ANKS4B: variants seen among roughly 807,000 people sequenced by gnomAD.
ANKS4B encodes the protein ankyrin repeat and SAM domain-containing protein 4B.
A neutral mutation model predicts 20.2 loss-of-function variants in ANKS4B; 21 were observed. The ratio of observed to expected loss-of-function variants is 1.04; its 90% CI spans 0.74 to 1.50. The LOEUF is 1.50. Ranked by LOEUF, ANKS4B falls within the 40% of genes most tolerant of loss-of-function variation. The pLI is 0.00. For missense variants in ANKS4B, 473 were observed against 494.6 expected (o/e 0.96, Z 0.41); for synonymous variants, 179 against 194.5 (o/e 0.92, Z 0.66).
At chr16:21,238,647 C>T (rs1158594475) in intron 1 of ANKS4B, among the ~76,000 whole-genome samples, 2 of 152,126 alleles carry the variant, frequency 1.3e-5, no homozygotes, top group Non-Finnish European at 2.9e-5. Context: ...ACTCTGCATT[C>T]TCCAAGTGGC....
intron 1 of ANKS4B, among the ~76,000 whole-genome samples, chr16:21,234,821 A>C (rs1219262762): frequency 6.6e-6 from 1 of 152,088 alleles, no homozygotes; most frequent in Non-Finnish European, 1.5e-5. Flanking sequence ...AGGGGAAGAC[A>C]AGACATCTAT....
chr16:21,233,875 A>G lies in ANKS4B; in HGVS notation c.138A>G (p.Glu46=). 1 of 1,613,554 alleles carries G rather than the reference A, an allele frequency of 6.2e-7. No homozygotes were observed. Among genetic ancestry groups the G allele is most frequent in the Non-Finnish European group, 8.5e-7 (1 of 1,179,746 alleles). Residue 46 remains glutamate (E), a synonymous_variant, in exon 1 of 2, where the codon GAA becomes GAG. Transcript: ENST00000311620. ...TLLAAYHGNL[E]ALEIICSRGG... ...TGGCAGCCTACCATGGGAACTTGGA[A>G]GCCCTAGAGATAATCTGCAGTAGAG...
At chr16:21,241,135 C>T (rs1035505669) in intron 1 of ANKS4B, among the ~76,000 whole-genome samples, 1 of 152,176 alleles carries the variant, frequency 6.6e-6, no homozygotes, top group Non-Finnish European at 1.5e-5. Context: ...TGCAGGTTTG[C>T]TGCATGGGTA....
In ANKS4B at chr16:21,252,949, A is replaced by G. The variant is rs965332233; in HGVS notation, c.*2129A>G. On this transcript the variant is annotated 3_prime_UTR_variant, in exon 2 of 2. Transcript: ENST00000311620. ...TGAGGCAAGAGAATTGCTTGAACCC[A>G]AAAGGTGGAGGTTGCAGTGAGTTGA... 18 of 151,510 alleles carry G rather than the reference A, an allele frequency of 1.2e-4. No homozygotes were observed. The highest frequency in any genetic ancestry group is 2.2e-4 in the Non-Finnish European group (15 of 67,970). 9.4% of individuals were successfully genotyped at this position (151,510 alleles called of 1,614,324 possible).
In ANKS4B at chr16:21,251,566, T is replaced by C. The variant is rs1470623785; in HGVS notation, c.*746T>C. The C allele has an allele frequency of 2.6e-5, 4 of 152,274 alleles. No homozygotes were observed. The highest frequency in any genetic ancestry group is 9.6e-5 in the African/African-American group (4 of 41,470). 9.4% of individuals were successfully genotyped at this position (152,274 alleles called of 1,614,324 possible). On this transcript the variant is annotated 3_prime_UTR_variant, in exon 2 of 2. Coordinates refer to ENST00000311620, the MANE Select transcript of ANKS4B (RefSeq NM_145865.3). ...GTGTAACCTGGGAATTCCAATTCTTTTTCTCTCCTGAGATCTATGACTTTG... is the reference window on the plus strand; with the variant it reads ...GTGTAACCTGGGAATTCCAATTCTTCTTCTCTCCTGAGATCTATGACTTTG...
chr16:21,236,767 C>T (rs1334760325), intron 1 of ANKS4B, among the ~76,000 whole-genome samples: 1 of 152,026 alleles, frequency 6.6e-6, no homozygotes, highest in Non-Finnish European at 1.5e-5. Context: ...GAAAATTAAA[C>T]CATACAGACG....
intron 1 of ANKS4B, among the ~76,000 whole-genome samples, chr16:21,235,773 G>A (rs2093319619): frequency 6.6e-6 from 1 of 152,180 alleles, no homozygotes; most frequent in Admixed American, 6.5e-5. Flanking sequence ...AGGATTGGGA[G>A]AGTTCCTGAG....
In ANKS4B at chr16:21,250,155, C is replaced by T. The variant is rs749766643; in HGVS notation, c.589C>T (p.Leu197=). The T allele has an allele frequency of 1.2e-6, 2 of 1,614,114 alleles. No homozygotes were observed. Among genetic ancestry groups the T allele is most frequent in the South Asian group, 1.1e-5 (1 of 91,076 alleles). Residue 197 remains leucine (L), a synonymous_variant, in exon 2 of 2, where the codon CTA becomes TTA. Transcript: ENST00000311620. ...NASAPGTFGS[L]SKGIKDTFKI... ...TTCTGCTCCTGGCACATTCGGGTCA[C>T]TATCTAAGGGCATTAAAGACACTTT...
In ANKS4B at chr16:21,253,370, C is replaced by T. The variant is rs916225525; in HGVS notation, c.*2550C>T. On this transcript the variant is annotated 3_prime_UTR_variant, in exon 2 of 2. Transcript: ENST00000311620. Reference sequence around the variant, plus strand: ...AAGCTTGTTAGCCATTGAATAAACACGTTGCATTAGGGGATGATTGTTTAC... The same window carrying T: ...AAGCTTGTTAGCCATTGAATAAACATGTTGCATTAGGGGATGATTGTTTAC... The T allele has an allele frequency of 2.0e-5, 3 of 152,288 alleles. No homozygotes were observed. The highest frequency in any genetic ancestry group is 7.2e-5 in the African/African-American group (3 of 41,554). The allele number at this position is 152,288 out of a possible 1,614,324, so 9.4% of individuals were successfully genotyped here. A position where few individuals can be genotyped will look rare whatever the true frequency, so the allele number is the denominator to read the frequency against.
At chr16:21,242,422 G>A (rs576449789) in intron 1 of ANKS4B, among the ~76,000 whole-genome samples, 11 of 152,138 alleles carry the variant, frequency 7.2e-5, no homozygotes, top group Non-Finnish European at 8.8e-5. Flanking sequence ...TCTTGACCTC[G>A]TGATCTGCCC....
rs151182255 is a variant in ANKS4B, at chr16:21,250,862, C to T, written c.*42C>T. 1.7e-4 allele frequency: 267 copies of T among 1,540,378 alleles called. No individual in the cohort carries two copies. Among genetic ancestry groups the T allele is most frequent in the African/African-American group, 1.1e-3 (84 of 73,056 alleles). ...GGAGCATTGGGGTGATGCTGTGGCCCGCTGGCAGCACTCCAGGCGGCACCC... is the reference window on the plus strand; with the variant it reads ...GGAGCATTGGGGTGATGCTGTGGCCTGCTGGCAGCACTCCAGGCGGCACCC... On this transcript the variant is annotated 3_prime_UTR_variant, in exon 2 of 2. Transcript: ENST00000311620.
At chr16:21,244,778 T>C (rs1175051977) in intron 1 of ANKS4B, among the ~76,000 whole-genome samples, 1 of 152,186 alleles carries the variant, frequency 6.6e-6, no homozygotes, top group Non-Finnish European at 1.5e-5. Flanking sequence ...TTGAAGGGTC[T>C]CCTTTCATCC....
intron 1 of ANKS4B, among the ~76,000 whole-genome samples, chr16:21,246,825 T>C (rs1229257341): frequency 6.6e-6 from 1 of 152,214 alleles, no homozygotes; most frequent in East Asian, 1.9e-4. Flanking sequence ...AGGGAGATTG[T>C]GATGGTTGAA....
intron 1 of ANKS4B, chr16:21,243,991 C>T (rs1193981159): frequency 2.6e-5 from 4 of 151,532 alleles, no homozygotes; most frequent in Admixed American, 6.6e-5. Flanking sequence ...AGAAGGCCCA[C>T]CTTTGGGGTC....
At chr16:21,247,936 GAATA>G (rs985777370) in intron 1 of ANKS4B, among the ~76,000 whole-genome samples, 9 of 152,288 alleles carry the variant, frequency 5.9e-5, no homozygotes, top group African/African-American at 1.7e-4. Context: ...GTAAGTTGAG[GAATA>G]AATAGAGATG....
chr16:21,235,378 G>A (rs1438583516), intron 1 of ANKS4B, among the ~76,000 whole-genome samples: 1 of 152,130 alleles, frequency 6.6e-6, no homozygotes, highest in Non-Finnish European at 1.5e-5. Context: ...TAGGAGTGGG[G>A]TCAGGACAAG....
intron 1 of ANKS4B, among the ~76,000 whole-genome samples, chr16:21,236,426 G>A (rs1355985931): frequency 6.6e-6 from 1 of 152,172 alleles, no homozygotes; most frequent in South Asian, 2.1e-4. Context: ...CCTCCTAGAA[G>A]AGGGTTTGGG....
chr16:21,234,334 T>C (rs2093317551), intron 1 of ANKS4B, among the ~76,000 whole-genome samples: 1 of 152,274 alleles, frequency 6.6e-6, no homozygotes, highest in Non-Finnish European at 1.5e-5. Context: ...TCTCACAGTC[T>C]TTTATTAACT....
At chr16:21,235,196 C>G (rs972621952) in intron 1 of ANKS4B, among the ~76,000 whole-genome samples, 1 of 152,146 alleles carries the variant, frequency 6.6e-6, no homozygotes, top group Admixed American at 6.6e-5. Flanking sequence ...ACTAAATAGG[C>G]ATCTACCTCA....
Sources: allele counts gnomAD v4.1 joint callset (sites outside exome capture counted in the v4.1 genomes callset), GRCh38; gene constraint gnomAD v4.1.1; transcripts MANE v1.5; gene names NCBI Gene and HGNC (gene_info 2026-07-23, HGNC 2026-07-21).